The following NBEA variants were observed in gnomAD, a reference collection of about 807,000 sequenced individuals.
NBEA encodes lysosomal-trafficking regulator 2.
Under a neutral mutation model 343.4 loss-of-function variants are expected in NBEA, and 44 were observed. The observed-to-expected ratio is 0.13, with a 90% CI of 0.10 to 0.16. NBEA has a LOEUF of 0.16. Ranked by LOEUF, NBEA falls within the 10% of genes least tolerant of loss-of-function variation. NBEA has a pLI of 1.00. For missense variants in NBEA, 2,555 were observed against 3,631.3 expected (o/e 0.70, Z 7.62); for synonymous variants, 1,175 against 1,238.7 (o/e 0.95, Z 1.08).
chr13:35,490,085 T>C (rs562007009), intron 41 of NBEA, among the ~76,000 whole-genome samples: 37 of 151,996 alleles, frequency 2.4e-4, no homozygotes, highest in Admixed American at 5.3e-4. Context: ...GTGGCACTTT[T>C]GTTGTGCGGG....
intron 23 of NBEA, among the ~76,000 whole-genome samples, chr13:35,162,661 T>G (rs74048923): frequency 0.028 from 4,322 of 152,028 alleles, 96 homozygotes; most frequent in South Asian, 0.074. Context: ...CCCCCTTATA[T>G]CTCGTGAGCC....
intron 40 of NBEA, among the ~76,000 whole-genome samples, chr13:35,456,604 C>A (rs939713081): frequency 6.6e-6 from 1 of 151,824 alleles, no homozygotes; most frequent in African/African-American, 2.4e-5. Flanking sequence ...TGAAATTTAG[C>A]AAGTTGTTTC....
chr13:35,314,244 A>G (rs1420555525), intron 36 of NBEA, among the ~76,000 whole-genome samples: 1 of 152,174 alleles, frequency 6.6e-6, no homozygotes, highest in Admixed American at 6.5e-5. Context: ...TACTGAAAAT[A>G]GCGATTGTAA....
chr13:35,354,771 T>G (rs769202198), intron 38 of NBEA, among the ~76,000 whole-genome samples: 4 of 152,148 alleles, frequency 2.6e-5, no homozygotes, highest in Admixed American at 6.6e-5. Context: ...TCTAGACAAT[T>G]TTATCTAGTC....
At chr13:35,346,384 T>C (rs2039877186) in intron 36 of NBEA, among the ~76,000 whole-genome samples, 1 of 152,140 alleles carries the variant, frequency 6.6e-6, no homozygotes, top group Non-Finnish European at 1.5e-5. Flanking sequence ...CTCTACAAAA[T>C]GTAGGCTGAT....
chr13:35,334,426 C>T (rs770856380), intron 36 of NBEA, among the ~76,000 whole-genome samples: 4 of 152,080 alleles, frequency 2.6e-5, no homozygotes, highest in East Asian at 1.9e-4. Flanking sequence ...CCCACTACCA[C>T]GCCCAGCTAA....
At chr13:35,309,933 T>C (rs960724049) in intron 36 of NBEA, among the ~76,000 whole-genome samples, 1 of 152,180 alleles carries the variant, frequency 6.6e-6, no homozygotes, top group African/African-American at 2.4e-5. Flanking sequence ...GCTCAGTGTT[T>C]ACTCCTTCAG....
At chr13:35,219,292 C>G (rs1382077501) in intron 33 of NBEA, among the ~76,000 whole-genome samples, 1 of 151,998 alleles carries the variant, frequency 6.6e-6, no homozygotes, top group East Asian at 1.9e-4. Context: ...AAAAAAATGT[C>G]TAGAGAGAAA....
At chr13:35,008,165 C>T (rs1296998145) in intron 1 of NBEA, among the ~76,000 whole-genome samples, 2 of 152,060 alleles carry the variant, frequency 1.3e-5, no homozygotes, top group Non-Finnish European at 2.9e-5. Flanking sequence ...TTACCTATAT[C>T]GGTTTTTGTT....
intron 31 of NBEA, among the ~76,000 whole-genome samples, chr13:35,201,957 T>C (rs1401369496): frequency 6.6e-6 from 1 of 152,130 alleles, no homozygotes; most frequent in East Asian, 1.9e-4. Context: ...GACATTTTTC[T>C]AAAGTGTGAA....
At chr13:35,556,471 A>G (rs909018299) in intron 44 of NBEA, among the ~76,000 whole-genome samples, 9 of 152,080 alleles carry the variant, frequency 5.9e-5, no homozygotes, top group African/African-American at 2.2e-4. Context: ...ATCTGTTTTA[A>G]TAACTGGTAT....
chr13:35,273,579 G>T (rs1050456599), intron 34 of NBEA, among the ~76,000 whole-genome samples: 3 of 152,034 alleles, frequency 2.0e-5, no homozygotes, highest in Admixed American at 2.0e-4. Context: ...CCAGGAGCTG[G>T]TTTTTTGAAA....
At chr13:35,030,161 A>G (rs892707999) in intron 1 of NBEA, among the ~76,000 whole-genome samples, 1 of 151,670 alleles carries the variant, frequency 6.6e-6, no homozygotes, top group African/African-American at 2.4e-5. Flanking sequence ...CAGCTTTGCT[A>G]CATCATTTCC....
intron 27 of NBEA, among the ~76,000 whole-genome samples, chr13:35,174,298 C>G (rs2070703402): frequency 6.6e-6 from 1 of 152,116 alleles, no homozygotes; most frequent in South Asian, 2.1e-4. Flanking sequence ...ACCTTAAATG[C>G]TACATTTTCT....
At chr13:35,272,770 A>G (rs923600230) in intron 34 of NBEA, among the ~76,000 whole-genome samples, 3 of 152,222 alleles carry the variant, frequency 2.0e-5, no homozygotes, top group African/African-American at 7.2e-5. Context: ...AGGCCATTAT[A>G]TAATGGTAAA....
rs563719846 is a variant in NBEA, at chr13:35,220,402, G to A, written c.5648+9223G>A. Among the ~76,000 whole-genome samples the A allele has an allele frequency of 2.0e-5, 3 of 152,250 alleles. No individual in the cohort carries two copies. In the East Asian group the frequency reaches 5.8e-4, roughly 29 times the overall value. On this transcript the variant is annotated intron_variant, in intron 33 of 58. Coordinates refer to ENST00000379939, the MANE Select transcript of NBEA (RefSeq NM_001385012.1). ...TATTTGATTTAGTGCAGGTTTGCCT[G>A]TCATGAATTTTTAGTTCCTATTTCT...
At chr13:35,573,035 A>G (rs1423514882) in intron 45 of NBEA, among the ~76,000 whole-genome samples, 1 of 152,208 alleles carries the variant, frequency 6.6e-6, no homozygotes, top group Admixed American at 6.5e-5. Flanking sequence ...ATAATTATAT[A>G]CCATCTGCCA....
intron 8 of NBEA, among the ~76,000 whole-genome samples, chr13:35,065,255 T>G (rs2063609643): frequency 6.6e-6 from 1 of 152,132 alleles, no homozygotes; most frequent in East Asian, 1.9e-4. Flanking sequence ...TGACTTTTCT[T>G]TCTTTGGATG....
Position 35,252,692 on chromosome 13 carries a change from G to A in NBEA, c.5776+20073G>A, listed in dbSNP as rs2032123253. 2.6e-5 allele frequency among the ~76,000 whole-genome samples: 4 copies of A among 152,286 alleles called. No individual in the cohort carries two copies. The South Asian group carries it at 8.3e-4, about 32-fold the overall frequency. On this transcript the variant is annotated intron_variant, in intron 34 of 58. Transcript: ENST00000379939. Reference sequence around the variant, plus strand: ...TAGCTGTCCCTGCACAGATGCAGCTGAAGAGAGGTGCTAACCAAGGTCAGA... The same window carrying A: ...TAGCTGTCCCTGCACAGATGCAGCTAAAGAGAGGTGCTAACCAAGGTCAGA...
Sources: gnomAD v4.1 joint callset for allele counts (sites outside exome capture counted in the v4.1 genomes callset) on GRCh38, gnomAD v4.1.1 for gene constraint, MANE v1.5 for transcripts, NCBI Gene and HGNC (gene_info 2026-07-23, HGNC 2026-07-21) for gene names.